Variants in UGT1A8 observed in about 807,000 individuals in gnomAD.
UGT1A8 encodes the protein UDP glucuronosyltransferase family 1 member A8, also known as UDP-glucuronosyltransferase 1A8.
A neutral mutation model predicts 45.3 loss-of-function variants in UGT1A8; 39 were observed. The observed-to-expected ratio is 0.86, with a 90% CI of 0.67 to 1.12. UGT1A8 has a LOEUF of 1.12. Among genes scored for constraint, UGT1A8 ranks in the 50% most tolerant of loss-of-function variants. The pLI is 0.00. For synonymous variants in UGT1A8, 275 were observed against 249.2 expected, an observed-to-expected ratio of 1.10 and a Z score of -0.97; for missense variants, 719 against 664.9, an observed-to-expected ratio of 1.08 and a Z score of -0.90.
In UGT1A8 at chr2:233,619,108, T is replaced by A. The variant is rs17864672; in HGVS notation, c.855+546T>A. 9.2e-5 allele frequency among the ~76,000 whole-genome samples: 14 copies of A among 152,288 alleles called. No homozygotes were observed. The South Asian group carries it at 1.2e-3, about 14-fold the overall frequency. On this transcript the variant is annotated intron_variant, in intron 1 of 4. Transcript: ENST00000373450. Reference sequence around the variant, plus strand: ...TCAGTTTTGTGTATATTCTTTTCAGTATAAAAAAAGTTTCATTTATATGCA... The same window carrying A: ...TCAGTTTTGTGTATATTCTTTTCAGAATAAAAAAAGTTTCATTTATATGCA...
chr2:233,715,581 G>A (rs2076458979), intron 1 of UGT1A8, among the ~76,000 whole-genome samples: 1 of 151,966 alleles, frequency 6.6e-6, no homozygotes, highest in Non-Finnish European at 1.5e-5. Flanking sequence ...AGAGCAGCCT[G>A]GGCAACATGC....
chr2:233,631,452 C>T (rs2073183891), intron 1 of UGT1A8, among the ~76,000 whole-genome samples: 1 of 152,322 alleles, frequency 6.6e-6, no homozygotes, highest in South Asian at 2.1e-4. Flanking sequence ...TACACTCCCA[C>T]CAACAGCATA....
Position 233,767,897 on chromosome 2 carries a change from A to G in UGT1A8, c.1036A>G (p.Thr346Ala). Residue 346 changes from threonine to alanine, a missense_variant, in exon 3 of 5, where the codon ACG becomes GCG. Thr to Ala is a moderately conservative substitution (Grantham distance 58). Transcript: ENST00000373450. ...CCGACCATCGAATCTTGCGAACAAC[A>G]CGATACTTGTTAAGTGGCTACCCCA... is the stretch of plus-strand genomic sequence containing the variant. The part of the protein sequence containing the change: ...GTRPSNLANN[T>A]ILVKWLPQND... The G allele has an allele frequency of 1.9e-6, 3 of 1,614,178 alleles. No homozygotes were observed. Among genetic ancestry groups the G allele is most frequent in the Non-Finnish European group, 1.7e-6 (2 of 1,180,044 alleles).
chr2:233,688,161 C>T (rs544073369), intron 1 of UGT1A8, among the ~76,000 whole-genome samples: 1 of 152,300 alleles, frequency 6.6e-6, no homozygotes, highest in East Asian at 1.9e-4. Flanking sequence ...CTATTCTGGG[C>T]ATTTCATGGA....
At chr2:233,690,704 C>T (rs1172812286) in intron 1 of UGT1A8, 18 of 1,229,320 alleles carry the variant, frequency 1.5e-5, no homozygotes, top group African/African-American at 1.6e-5. Flanking sequence ...CTTTAGGGAT[C>T]GTCATTATGA....
chr2:233,672,165 T>C (rs748276868), intron 1 of UGT1A8: 3 of 1,614,198 alleles, frequency 1.9e-6, no homozygotes, highest in Admixed American at 1.7e-5. Context: ...TGAAGACTTA[T>C]TCAACTTCAT....
intron 1 of UGT1A8, among the ~76,000 whole-genome samples, chr2:233,625,407 A>T (rs1459606141): frequency 6.6e-6 from 1 of 152,142 alleles, no homozygotes; most frequent in East Asian, 1.9e-4. Flanking sequence ...AAGTTAAAAC[A>T]GAACTGTCAT....
intron 1 of UGT1A8, among the ~76,000 whole-genome samples, chr2:233,654,670 G>A (rs1188570016): frequency 6.6e-6 from 1 of 152,172 alleles, no homozygotes; most frequent in Non-Finnish European, 1.5e-5. Flanking sequence ...ATTGCTACAG[G>A]AATTTCTAAG....
Position 233,691,273 on chromosome 2 carries a change from T to A in UGT1A8, c.855+72711T>A, listed in dbSNP as rs921179484. 1.2e-5 allele frequency: 12 copies of A among 985,424 alleles called. No individual in the cohort carries two copies. In the African/African-American group the frequency reaches 2.1e-4, roughly 17 times the overall value. The allele number at this position is 985,424 out of a possible 1,614,324, so 61.0% of individuals were successfully genotyped here. On this transcript the variant is annotated intron_variant, in intron 1 of 4. Coordinates refer to ENST00000373450, the MANE Select transcript of UGT1A8 (RefSeq NM_019076.5). ...TCAAAGCAAGATGCTGCCGCCCCCA[T>A]GACTTTGATCATTGTAAGCTGCCAA...
chr2:233,636,384 G>A (rs2073289513), intron 1 of UGT1A8: 3 of 1,225,088 alleles, frequency 2.4e-6, no homozygotes, highest in East Asian at 5.2e-5. Context: ...ATCATTGGCA[G>A]TGAGTGTGAT....
chr2:233,693,387 G>A, intron 1 of UGT1A8: 1 of 1,614,130 alleles, frequency 6.2e-7, no homozygotes, highest in Non-Finnish European at 8.5e-7. Context: ...AACTGCCAGA[G>A]CCTCCTGCAG....
chr2:233,682,552 G>T, intron 1 of UGT1A8: 2 of 1,613,932 alleles, frequency 1.2e-6, no homozygotes, highest in Non-Finnish European at 1.7e-6. Context: ...CTTTCAAGGA[G>T]AGAGTATGGA....
chr2:233,747,481 A>T, intron 1 of UGT1A8: 1 of 1,608,962 alleles, frequency 6.2e-7, no homozygotes, highest in South Asian at 1.1e-5. Flanking sequence ...GATGAATTTG[A>T]TCGCCTTGTG....
At chr2:233,685,284 C>T (rs1269793027) in intron 1 of UGT1A8, among the ~76,000 whole-genome samples, 4 of 152,274 alleles carry the variant, frequency 2.6e-5, no homozygotes, top group Non-Finnish European at 4.4e-5. Flanking sequence ...CCGCCCGCCT[C>T]CGCCTTTCAA....
At chr2:233,671,278 G>T (rs905052772) in intron 1 of UGT1A8, among the ~76,000 whole-genome samples, 25 of 152,212 alleles carry the variant, frequency 1.6e-4, no homozygotes, top group Admixed American at 1.3e-4. Context: ...TCTTAGGAAA[G>T]CCATTTAAAA....
chr2:233,696,680 A>T (rs1341129173), intron 1 of UGT1A8, among the ~76,000 whole-genome samples: 1 of 152,208 alleles, frequency 6.6e-6, no homozygotes, highest in Admixed American at 6.5e-5. Context: ...CAGTGCTGAC[A>T]GTCAGCATCT....
chr2:233,748,156 T>G, intron 1 of UGT1A8: 1 of 1,601,882 alleles, frequency 6.2e-7, no homozygotes, highest in Non-Finnish European at 8.5e-7. Flanking sequence ...TACAATTGCT[T>G]CCATATCTAC....
intron 1 of UGT1A8, among the ~76,000 whole-genome samples, chr2:233,661,872 A>G (rs1181382495): frequency 6.6e-6 from 1 of 151,522 alleles, no homozygotes; most frequent in Non-Finnish European, 1.5e-5. Context: ...TATTATTTAG[A>G]GTTTCTGATA....
chr2:233,631,698 A>G (rs2073189487), intron 1 of UGT1A8, among the ~76,000 whole-genome samples: 1 of 151,616 alleles, frequency 6.6e-6, no homozygotes, highest in South Asian at 2.1e-4. Context: ...TTTTCTTGTA[A>G]ATTGGTTTAA....
Sources: gnomAD v4.1 joint callset for allele counts (sites outside exome capture counted in the v4.1 genomes callset) on GRCh38, gnomAD v4.1.1 for gene constraint, MANE v1.5 for transcripts, NCBI Gene and HGNC (gene_info 2026-07-23, HGNC 2026-07-21) for gene names.